SDK2: variants seen among roughly 807,000 people sequenced by gnomAD.
The protein encoded by SDK2 is protein sidekick-2.
In SDK2, 105 loss-of-function variants were observed where a neutral mutation model predicts 253.9. The observed-to-expected ratio is 0.41, with a 90% CI of 0.35 to 0.49. The LOEUF (loss-of-function observed/expected upper bound fraction) is 0.49. Ranked by LOEUF, SDK2 falls within the 20% of genes least tolerant of loss-of-function variation. The pLI is 0.06. For missense variants in SDK2, 2,608 were observed against 3,003.0 expected (o/e 0.87, Z 3.07); for synonymous variants, 1,249 against 1,234.9 (o/e 1.01, Z -0.24).
chr17:73,388,306 C>T (rs185493241), intron 29 of SDK2, among the ~76,000 whole-genome samples: 24 of 152,262 alleles, frequency 1.6e-4, no homozygotes, highest in East Asian at 3.9e-4. Context: ...CAAGGATTGA[C>T]GGTGAGGAGT....
intron 18 of SDK2, among the ~76,000 whole-genome samples, chr17:73,412,302 A>G (rs1015128864): frequency 4.0e-5 from 6 of 149,854 alleles, no homozygotes; most frequent in East Asian, 2.0e-4. Flanking sequence ...ATATGTGTGT[A>G]TATATATATA....
Position 73,534,935 on chromosome 17 carries a change from G to A in SDK2, c.65-27338C>T, listed in dbSNP as rs2044748614. 6.6e-6 allele frequency among the ~76,000 whole-genome samples: 1 copy of A among 152,196 alleles called. No homozygotes were observed. Among genetic ancestry groups the A allele is most frequent in the South Asian group, 2.1e-4 (1 of 4,832 alleles). ...GCTACTGGGTCTAAGGAACCCAGGA[G>A]GAGGGAGGCAGCCTGAAACTCCAAG... On this transcript the variant is annotated intron_variant, in intron 1 of 44. Transcript: ENST00000392650. The surrounding 1 kb of genome is among the most constrained non-coding windows in gnomAD (Gnocchi z 4.9).
intron 1 of SDK2, among the ~76,000 whole-genome samples, chr17:73,601,412 C>T (rs1440559538): frequency 6.6e-6 from 1 of 152,170 alleles, no homozygotes; most frequent in Non-Finnish European, 1.5e-5. Context: ...CCCAGAACCT[C>T]ACGATGTGGC....
chr17:73,491,517 C>T (rs989968613), intron 2 of SDK2, among the ~76,000 whole-genome samples: 4 of 152,132 alleles, frequency 2.6e-5, no homozygotes, highest in Admixed American at 2.0e-4. Context: ...GGACTACAGG[C>T]GTGCACCACT....
intron 3 of SDK2, among the ~76,000 whole-genome samples, chr17:73,462,659 T>C (rs982254708): frequency 2.0e-5 from 3 of 152,162 alleles, no homozygotes; most frequent in African/African-American, 7.2e-5. Flanking sequence ...CATACACGCA[T>C]GTATATGTGG....
At position 73,609,791 on chromosome 17, in the gene SDK2, A is replaced by G. The variant is rs1014884774; in HGVS notation, c.64+34234T>C. On this transcript the variant is annotated intron_variant, in intron 1 of 44. Transcript: ENST00000392650. The surrounding 1 kb of genome is among the most constrained non-coding windows in gnomAD (Gnocchi z 4.4). ...AACTGCTGGGGCCAAAGTGGGAAAG[A>G]GAAGTTGCATGAGAACCTCCAGAAA... 1.3e-5 allele frequency among the ~76,000 whole-genome samples: 2 copies of G among 152,190 alleles called. No homozygotes were observed. Among genetic ancestry groups the G allele is most frequent in the African/African-American group, 4.8e-5 (2 of 41,450 alleles).
chr17:73,430,440 T>C, intron 12 of SDK2, 71 bp downstream of exon 12: 1 of 1,189,130 alleles, frequency 8.4e-7, no homozygotes, highest in Non-Finnish European at 1.2e-6. Flanking sequence ...ATGTGGACAC[T>C]CGCCCAGCTA....
chr17:73,444,592 T>C (rs1197693554), intron 5 of SDK2, among the ~76,000 whole-genome samples: 1 of 152,222 alleles, frequency 6.6e-6, no homozygotes, highest in East Asian at 1.9e-4. Flanking sequence ...CCTCCCTGAA[T>C]CACCTCATTG....
At position 73,455,291 on chromosome 17, in the gene SDK2, G is replaced by A. The variant is rs551640710; in HGVS notation, c.479+615C>T. Among the ~76,000 whole-genome samples the A allele has an allele frequency of 3.3e-5, 5 of 152,278 alleles. No homozygotes were observed. The South Asian group carries it at 1.0e-3, about 32-fold the overall frequency. ...CTCGGGAGGAACTGCTTTGTTGCTC[G>A]CCTTCTGCGGAGGTGTGGGGTGTTG... On this transcript the variant is annotated intron_variant, in intron 4 of 44. Transcript: ENST00000392650. The surrounding 1 kb of genome is among the most constrained non-coding windows in gnomAD (Gnocchi z 5.0).
intron 1 of SDK2, among the ~76,000 whole-genome samples, chr17:73,587,239 A>G (rs1226983098): frequency 6.6e-6 from 1 of 152,192 alleles, no homozygotes; most frequent in African/African-American, 2.4e-5. Context: ...AAATCAGCTC[A>G]GCTGCCCCCT....
intron 2 of SDK2, among the ~76,000 whole-genome samples, chr17:73,487,506 G>C (rs1599612702): frequency 6.6e-6 from 1 of 152,260 alleles, no homozygotes; most frequent in South Asian, 2.1e-4. Flanking sequence ...GCCAGGGTAA[G>C]AGGTGGAAGG....
chr17:73,518,400 T>C (rs1231900457), intron 1 of SDK2: 1 of 152,076 alleles, frequency 6.6e-6, no homozygotes, highest in Non-Finnish European at 1.5e-5. Flanking sequence ...GGTAAGTGCT[T>C]CAACCAGTGC....
chr17:73,460,910 G>A (rs2063558603), intron 3 of SDK2, among the ~76,000 whole-genome samples: 4 of 152,260 alleles, frequency 2.6e-5, no homozygotes, highest in East Asian at 1.9e-4. Context: ...CAATTTTATG[G>A]TAATAGTGTT....
chr17:73,499,024 C>T (rs186258123), intron 2 of SDK2, among the ~76,000 whole-genome samples: 161 of 152,336 alleles, frequency 1.1e-3, no homozygotes, highest in African/African-American at 3.6e-3. Flanking sequence ...GAACTGCTGC[C>T]CGTAAGAGCT....
rs1482660454 is a variant in SDK2, at chr17:73,483,682, TTTATATATATATATATATATATATA to T, written c.225-11489_225-11465del. 1.2e-3 allele frequency among the ~76,000 whole-genome samples: 59 copies of T among 49,578 alleles called. 2 individuals are homozygous for T. The South Asian group carries it at 0.014, about 12-fold the overall frequency. The allele number at this position is 49,578 out of a possible 152,430, so 32.5% of individuals were successfully genotyped here. A position where few individuals can be genotyped will look rare whatever the true frequency, so the allele number is the denominator to read the frequency against. Reference sequence around the variant, plus strand: ...GTGTGTATATATATATATATATATATTTATATATATATATATATATATATATTTTTTTTTTTTTTTAGTAGAGTTG... The same window carrying T: ...GTGTGTATATATATATATATATATATTTTTTTTTTTTTTTTAGTAGAGTTG... On this transcript the variant is annotated intron_variant, in intron 2 of 44. Coordinates refer to ENST00000392650, the MANE Select transcript of SDK2 (RefSeq NM_001144952.2).
intron 24 of SDK2, among the ~76,000 whole-genome samples, chr17:73,396,988 C>T (rs2062976323): frequency 2.0e-5 from 3 of 152,202 alleles, no homozygotes; most frequent in South Asian, 2.1e-4. Flanking sequence ...CTTTCATGGC[C>T]GCTAGCATCA....
intron 1 of SDK2, among the ~76,000 whole-genome samples, chr17:73,568,311 G>A (rs1022128605): frequency 1.3e-5 from 2 of 152,148 alleles, no homozygotes; most frequent in Non-Finnish European, 2.9e-5. Flanking sequence ...GCCAGTGAGT[G>A]GAAGCTTCTT....
Position 73,401,206 on chromosome 17 carries a change from G to A in SDK2, c.2785C>T (p.Arg929Trp), listed in dbSNP as rs754685995. ...GEKNGILTGY[R>W]ISWEEYNRTN... is the part of the protein sequence containing the mutation. ...CGATTGTACTCCTCCCAGGAGATCC[G>A]GTACCCTGGGGAGAGCCGCCGTGTT... Residue 929 changes from arginine (R) to tryptophan (W), a missense_variant, in exon 21 of 45, where the codon CGG becomes TGG. Transcript: ENST00000392650. The A allele has an allele frequency of 1.7e-5, 27 of 1,546,414 alleles. No homozygotes were observed. Among genetic ancestry groups the A allele is most frequent in the Middle Eastern group, 1.7e-4 (1 of 5,982 alleles).
chr17:73,415,350 C>CT (rs35201251), intron 17 of SDK2, among the ~76,000 whole-genome samples: 43,407 of 122,038 alleles, frequency 0.36, 8,796 homozygotes, highest in Non-Finnish European at 0.41. Flanking sequence ...TTTCATTTCA[C>CT]TTTTTTTTTT....
Sources: gnomAD v4.1 joint callset for allele counts (sites outside exome capture counted in the v4.1 genomes callset) on GRCh38, gnomAD v4.1.1 for gene constraint, Gnocchi (gnomAD v3.1) non-coding constraint, MANE v1.5 for transcripts, NCBI Gene and HGNC (gene_info 2026-07-23, HGNC 2026-07-21) for gene names.